Variants in WDR36 observed in about 807,000 individuals in gnomAD.
WDR36 encodes WD repeat domain 36, also known as WD repeat-containing protein 36.
Under a neutral mutation model 112.7 loss-of-function variants are expected in WDR36, and 63 were observed. The observed-to-expected ratio is 0.56, with a 90% CI of 0.46 to 0.69. WDR36 has a LOEUF of 0.69. Among genes scored for constraint, WDR36 ranks in the 30% least tolerant of loss-of-function variants. The pLI is 0.00. For synonymous variants in WDR36, 410 were observed against 362.2 expected, an observed-to-expected ratio of 1.13 and a Z score of -1.50; for missense variants, 1,226 against 1,070.3, an observed-to-expected ratio of 1.15 and a Z score of -2.03.
At chr5:111,095,853 T>G (rs56167534) in intron 2 of WDR36, among the ~76,000 whole-genome samples, 20 of 151,362 alleles carry the variant, frequency 1.3e-4, no homozygotes, top group African/African-American at 4.3e-4. Context: ...AATGGAAGGG[T>G]TTTTTTTTAA....
At position 111,106,162 on chromosome 5, in the gene WDR36, T is replaced by G; in HGVS notation, c.1180+19T>G. The G allele has an allele frequency of 6.3e-7, 1 of 1,592,820 alleles. No individual in the cohort carries two copies. The highest frequency in any genetic ancestry group is 8.6e-7 in the Non-Finnish European group (1 of 1,161,684). ...GCAGCAGGTAAGTAACTTCAAACTG[T>G]GTTTTGAGAAGTTCTCCTTTGTCAT... On this transcript the variant is annotated intron_variant, in intron 11 of 22. Coordinates refer to ENST00000513710, the MANE Select transcript of WDR36 (RefSeq NM_139281.3).
At chr5:111,110,418 T>A (rs1753303699) in intron 13 of WDR36, 115 bp downstream of exon 13, 9 of 859,574 alleles carry the variant, frequency 1.0e-5, no homozygotes, top group Non-Finnish European at 1.7e-5. Flanking sequence ...GAAGATGGGT[T>A]ATAATCAACC....
intron 12 of WDR36, among the ~76,000 whole-genome samples, chr5:111,108,459 A>G (rs953621891): frequency 3.3e-5 from 5 of 151,270 alleles, no homozygotes; most frequent in African/African-American, 1.2e-4. Flanking sequence ...TTGCATTGTA[A>G]GTTTGTATAT....
rs1397286067 is a variant in WDR36 at position 111,104,791 on chromosome 5, A to G, written c.1001A>G (p.Gln334Arg). ...CTTACCAATATCAGATATTATGGAC[A>G]GAATGGACAGCAGATTCTAAGTGCA... ...APLTNIRYYG[Q>R]NGQQILSASQ... The change falls in exon 9 of 23, where the codon CAG (glutamine) becomes CGG (arginine). Residue 334 changes from glutamine to arginine, a missense_variant. By Grantham distance (43) the Gln-to-Arg change is conservative. Transcript: ENST00000513710. 1.2e-6 allele frequency: 2 copies of G among 1,611,260 alleles called. No homozygotes were observed. Among genetic ancestry groups the G allele is most frequent in the Non-Finnish European group, 1.7e-6 (2 of 1,177,822 alleles).
chr5:111,127,923 GT>G lies in WDR36; in HGVS notation c.*1059del, dbSNP rs1174312563. 13,283 of 135,732 alleles carry G rather than the reference GT, an allele frequency of 0.098. 987 individuals carry two copies. The highest frequency in any genetic ancestry group is 0.23 in the African/African-American group (8,190 of 35,354). 8.4% of individuals were successfully genotyped at this position (135,732 alleles called of 1,614,324 possible). On this transcript the variant is annotated 3_prime_UTR_variant, in exon 23 of 23. Coordinates refer to ENST00000513710, the MANE Select transcript of WDR36 (RefSeq NM_139281.3). The stretch of plus-strand genomic sequence containing the variant: ...GGTTTTTTTTATTTTGTTTTGTTTT[GT>G]TTTTTTTTTTTTTTTTTTGGCTACA...
Position 111,130,197 on chromosome 5 carries a change from A to C in WDR36, c.*3314A>C, listed in dbSNP as rs1753762924. 1 of 206,362 alleles carries C rather than the reference A, an allele frequency of 4.8e-6. No homozygotes were observed. The highest frequency in any genetic ancestry group is 1.9e-4 in the South Asian group (1 of 5,290). 12.8% of individuals were successfully genotyped at this position (206,362 alleles called of 1,614,324 possible). A position where few individuals can be genotyped will look rare whatever the true frequency, so the allele number is the denominator to read the frequency against. Reference sequence around the variant, plus strand: ...CAGTCCTCCCTTGGTATCTAGTTCCAGGACCCCTGTGGATACCAAAATCCA... The same window carrying C: ...CAGTCCTCCCTTGGTATCTAGTTCCCGGACCCCTGTGGATACCAAAATCCA... On this transcript the variant is annotated 3_prime_UTR_variant, in exon 23 of 23. Coordinates refer to ENST00000513710, the MANE Select transcript of WDR36 (RefSeq NM_139281.3).
chr5:111,100,941 A>G (rs1457881507), intron 5 of WDR36, among the ~76,000 whole-genome samples: 1 of 152,012 alleles, frequency 6.6e-6, no homozygotes, highest in African/African-American at 2.4e-5. Flanking sequence ...AAAACATCAC[A>G]TTTTAAAGTA....
At chr5:111,110,724 G>T in intron 13 of WDR36, 64 bp from the exon 14 acceptor site, 1 of 1,519,064 alleles carries the variant, frequency 6.6e-7, no homozygotes, top group Non-Finnish European at 9.0e-7. Context: ...ATCACTGTGT[G>T]TATTGTTCAG....
Position 111,092,384 on chromosome 5 carries a change from A to G in WDR36, c.-73A>G. ...AGCTCTGGCAGAGGACTGTTCCACT[A>G]GACACGCTGAAGGGACTGGGTACGT... On this transcript the variant is annotated 5_prime_UTR_variant, in exon 1 of 23. Transcript: ENST00000513710. The G allele has an allele frequency of 6.2e-7, 1 of 1,614,222 alleles. No homozygotes were observed. Among genetic ancestry groups the G allele is most frequent in the Non-Finnish European group, 8.5e-7 (1 of 1,180,028 alleles).
intron 2 of WDR36, 194 bp from the exon 3 acceptor site, chr5:111,096,885 C>T: frequency 1.2e-5 from 6 of 481,976 alleles, no homozygotes; most frequent in Non-Finnish European, 2.2e-5. Context: ...AAGGTGATTT[C>T]CTATCCTTAG....
intron 16 of WDR36, among the ~76,000 whole-genome samples, chr5:111,116,977 G>A (rs182446406): frequency 1.7e-4 from 26 of 152,280 alleles, no homozygotes; most frequent in Middle Eastern, 6.8e-3. Context: ...TGAAATTGCC[G>A]TGTTTTAGGT....
intron 22 of WDR36, 92 bp from the exon 23 acceptor site, chr5:111,126,642 G>A (rs1317374600): frequency 7.3e-7 from 1 of 1,368,180 alleles, no homozygotes; most frequent in African/African-American, 1.4e-5. Context: ...TTCACCTAGT[G>A]TCTTTTGTGG....
At chr5:111,119,984 G>T (rs1416118678) in intron 17 of WDR36, among the ~76,000 whole-genome samples, 4 of 152,016 alleles carry the variant, frequency 2.6e-5, no homozygotes, top group Admixed American at 6.6e-5. Context: ...GTGGGAAAAA[G>T]AACCTGTCCC....
chr5:111,105,937 C>A lies in WDR36; in HGVS notation c.1094-120C>A, dbSNP rs1317375969. On this transcript the variant is annotated intron_variant, in intron 10 of 22. Coordinates refer to ENST00000513710, the MANE Select transcript of WDR36 (RefSeq NM_139281.3). ...TGGTAATAACATCTTTGTTTTGTTT[C>A]TGACTTAAATGGGAATATCTTGTAC... 4 of 746,136 alleles carry A rather than the reference C, an allele frequency of 5.4e-6. No homozygotes were observed. In the Admixed American group the frequency reaches 9.3e-5, roughly 17 times the overall value. 46.2% of individuals were successfully genotyped at this position (746,136 alleles called of 1,614,324 possible).
chr5:111,125,604 G>T lies in WDR36; in HGVS notation c.2351-4G>T. ...AGTCATAACTGGATTAAAATTTAAT[G>T]CAGATGACACTGCTCTCAACCTTCT... On this transcript the variant is annotated splice_region_variant and splice_polypyrimidine_tract_variant and intron_variant, in intron 21 of 22. Coordinates refer to ENST00000513710, the MANE Select transcript of WDR36 (RefSeq NM_139281.3). The T allele has an allele frequency of 1.2e-6, 2 of 1,612,328 alleles. No homozygotes were observed. Among genetic ancestry groups the T allele is most frequent in the Non-Finnish European group, 1.7e-6 (2 of 1,179,056 alleles).
Position 111,125,697 on chromosome 5 carries a change from A to G in WDR36, c.2440A>G (p.Ile814Val), listed in dbSNP as rs1753666658. 3.1e-6 allele frequency: 5 copies of G among 1,613,954 alleles called. No homozygotes were observed. The highest frequency in any genetic ancestry group is 1.3e-5 in the African/African-American group (1 of 75,048). Residue 814 changes from isoleucine to valine, a missense_variant, in exon 22 of 23, where the codon ATA becomes GTA. By Grantham distance (29) the Ile-to-Val change is conservative. Transcript: ENST00000513710. ...RSLSPDCGGS[I>V]EVMQSFLKMI... is the part of the protein sequence containing the mutation. ...CTTGTCTCCTGATTGTGGTGGGTCC[A>G]TAGAAGTTATGCAGAGCTTCTTGAA...
At chr5:111,101,316 C>T (rs920538856) in intron 5 of WDR36, among the ~76,000 whole-genome samples, 1 of 151,694 alleles carries the variant, frequency 6.6e-6, no homozygotes, top group Non-Finnish European at 1.5e-5. Flanking sequence ...AGAGAAGGCT[C>T]TAATAAAGGT....
intron 2 of WDR36, 50 bp downstream of exon 2, chr5:111,094,997 A>AT: frequency 6.6e-7 from 1 of 1,525,168 alleles, no homozygotes; most frequent in South Asian, 1.2e-5. Context: ...CTTTTTTTTT[A>AT]TTTTGACATA....
intron 12 of WDR36, 119 bp downstream of exon 12, chr5:111,107,558 CA>C (rs1753244380): frequency 2.2e-6 from 3 of 1,351,994 alleles, no homozygotes; most frequent in Non-Finnish European, 3.0e-6. Flanking sequence ...CATTTTAAAG[CA>C]TTGCATAACC....
Sources: allele counts gnomAD v4.1 joint callset (sites outside exome capture counted in the v4.1 genomes callset), GRCh38; gene constraint gnomAD v4.1.1; transcripts MANE v1.5; gene names NCBI Gene and HGNC (gene_info 2026-07-23, HGNC 2026-07-21).